ANO3: variants seen among roughly 807,000 people sequenced by gnomAD.
The protein encoded by ANO3 is anoctamin-3.
In ANO3, 99 loss-of-function variants were observed where a neutral mutation model predicts 144.8. The ratio of observed to expected loss-of-function variants is 0.68; its 90% confidence interval spans 0.58 to 0.81. ANO3 has a LOEUF of 0.81. Ranked by LOEUF, ANO3 falls within the 30% of genes least tolerant of loss-of-function variation. The pLI is 0.00. For missense variants in ANO3, 905 were observed against 1,202.2 expected, an observed-to-expected ratio of 0.75 and a Z score of 3.66; for synonymous variants, 414 against 392.6, an observed-to-expected ratio of 1.05 and a Z score of -0.64.
intron 1 of ANO3, among the ~76,000 whole-genome samples, chr11:26,425,965 T>C (rs1027302523): frequency 6.6e-6 from 1 of 152,140 alleles, no homozygotes; most frequent in African/African-American, 2.4e-5. Flanking sequence ...CCTACTTATC[T>C]GTGTGATATG....
At chr11:26,267,590 G>C (rs2133833149) in intron 1 of ANO3, among the ~76,000 whole-genome samples, 1 of 152,298 alleles carries the variant, frequency 6.6e-6, no homozygotes, top group East Asian at 1.9e-4. Context: ...TATCAGCTAA[G>C]AGAGTGTGAA....
intron 2 of ANO3, 117 bp from the exon 3 acceptor site, chr11:26,443,648 A>G (rs1419544544): frequency 3.8e-6 from 2 of 524,806 alleles, no homozygotes; most frequent in Non-Finnish European, 6.6e-6. Flanking sequence ...ATTTTAATTC[A>G]TTAAGTTAAG....
At chr11:26,460,271 G>T (rs1859338796) in intron 3 of ANO3, 3 of 292,156 alleles carry the variant, frequency 1.0e-5, no homozygotes, top group Non-Finnish European at 1.3e-5. Flanking sequence ...AATTTTCTTT[G>T]CTTTCCAACT....
intron 14 of ANO3, among the ~76,000 whole-genome samples, chr11:26,591,440 T>C (rs1851450247): frequency 6.6e-6 from 1 of 152,200 alleles, no homozygotes. Context: ...GAACCATTTG[T>C]AGTTTTACAA....
chr11:26,359,779 G>A (rs893143531), intron 1 of ANO3, among the ~76,000 whole-genome samples: 4 of 152,000 alleles, frequency 2.6e-5, no homozygotes, highest in Admixed American at 1.3e-4. Context: ...ATCTGTTAGC[G>A]GCTAATCTCT....
chr11:26,499,321 T>A (rs577531380), intron 4 of ANO3, among the ~76,000 whole-genome samples: 11 of 151,924 alleles, frequency 7.2e-5, no homozygotes, highest in East Asian at 1.9e-4. Flanking sequence ...GCTTTTTTTT[T>A]ATAACTGGTG....
chr11:26,357,461 C>T (rs868266277), intron 1 of ANO3, among the ~76,000 whole-genome samples: 32 of 151,854 alleles, frequency 2.1e-4, no homozygotes, highest in African/African-American at 7.7e-4. Flanking sequence ...CCTAATGACT[C>T]ATTATGTTGC....
intron 1 of ANO3, among the ~76,000 whole-genome samples, chr11:26,399,952 A>G (rs1857106933): frequency 6.6e-6 from 1 of 152,114 alleles, no homozygotes; most frequent in Admixed American, 6.6e-5. Context: ...TCTGACTACC[A>G]TAATAAAACA....
chr11:26,527,643 T>A (rs1276928733), intron 7 of ANO3, among the ~76,000 whole-genome samples: 1 of 152,138 alleles, frequency 6.6e-6, no homozygotes, highest in Non-Finnish European at 1.5e-5. Context: ...CCTCACATGC[T>A]TAGTTTTGAC....
intron 14 of ANO3, among the ~76,000 whole-genome samples, chr11:26,586,501 A>ATTTTTTTTTTTTTTTTTTTTTTTTTTT (rs1281089936): frequency 4.5e-4 from 18 of 39,980 alleles, no homozygotes; most frequent in Admixed American, 8.9e-4. Context: ...CCTGGTGAGA[A>ATTTTTTTTTTTTTTTTTTTTTTTTTTT]TCTTTTTTTT....
At chr11:26,394,570 CT>C (rs56118844) in intron 1 of ANO3, among the ~76,000 whole-genome samples, 53,702 of 115,740 alleles carry the variant, frequency 0.46, 9,696 homozygotes, top group Middle Eastern at 0.64. Context: ...ATTTCATTTT[CT>C]TTTTTTTTTT....
chr11:26,242,090 C>A (rs1564930772), intron 1 of ANO3, among the ~76,000 whole-genome samples: 1 of 152,106 alleles, frequency 6.6e-6, no homozygotes, highest in Admixed American at 6.5e-5. Context: ...ATAGCCTGAA[C>A]AAAAGCAAAG....
At chr11:26,340,887 C>T (rs1225989852) in intron 1 of ANO3, among the ~76,000 whole-genome samples, 1 of 152,152 alleles carries the variant, frequency 6.6e-6, no homozygotes, top group Non-Finnish European at 1.5e-5. Context: ...TCAACTGATT[C>T]ATGTCAAACT....
At chr11:26,207,870 A>G (rs995970569) in intron 1 of ANO3, among the ~76,000 whole-genome samples, 4 of 148,818 alleles carry the variant, frequency 2.7e-5, no homozygotes, top group African/African-American at 9.7e-5. Flanking sequence ...CTACTTAACA[A>G]AATAGGAGGA....
intron 1 of ANO3, among the ~76,000 whole-genome samples, chr11:26,275,927 C>T (rs1357786695): frequency 6.6e-6 from 1 of 152,114 alleles, no homozygotes; most frequent in East Asian, 1.9e-4. Flanking sequence ...CACTTAACCT[C>T]TCTGAAGCTG....
rs749500131 is a variant in ANO3, at chr11:26,656,221, A to G, written c.2657+16A>G. The G allele has an allele frequency of 2.4e-5, 39 of 1,600,826 alleles. 1 individual carries two copies. The highest frequency in any genetic ancestry group is 2.7e-5 in the Non-Finnish European group (32 of 1,168,506). On this transcript the variant is annotated intron_variant, in intron 25 of 26. Transcript: ENST00000256737. Reference sequence around the variant, plus strand: ...GTTATTGCAGGTACTTATAATAGTTATCTTTCCTGCTTGCTTTCACCATTC... The same window carrying G: ...GTTATTGCAGGTACTTATAATAGTTGTCTTTCCTGCTTGCTTTCACCATTC...
chr11:26,517,717 C>G (rs1437621160), intron 6 of ANO3, among the ~76,000 whole-genome samples: 3 of 151,892 alleles, frequency 2.0e-5, no homozygotes, highest in Admixed American at 1.3e-4. Context: ...AAGTGCAATT[C>G]AAAAATATGG....
At chr11:26,513,070 A>C (rs953020541) in intron 5 of ANO3, among the ~76,000 whole-genome samples, 10 of 152,190 alleles carry the variant, frequency 6.6e-5, no homozygotes, top group African/African-American at 2.4e-4. Flanking sequence ...CTATAGAAAA[A>C]AAAAGAGAGG....
chr11:26,379,395 AAGTT>A (rs1288013909), intron 1 of ANO3, among the ~76,000 whole-genome samples: 23 of 152,308 alleles, frequency 1.5e-4, no homozygotes, highest in Admixed American at 2.6e-4. Flanking sequence ...GATAGAGTGT[AAGTT>A]AGTAAAAGTA....
Sources: allele counts gnomAD v4.1 joint callset (sites outside exome capture counted in the v4.1 genomes callset), GRCh38; gene constraint gnomAD v4.1.1; transcripts MANE v1.5; gene names NCBI Gene and HGNC (gene_info 2026-07-23, HGNC 2026-07-21).